Variants in PRKG1 observed in about 807,000 individuals in gnomAD.
The protein encoded by PRKG1 is protein kinase cGMP-dependent 1.
Under a neutral mutation model 88.1 loss-of-function variants are expected in PRKG1, and 35 were observed. The observed-to-expected ratio is 0.40, with a 90% CI of 0.30 to 0.53. The LOEUF (loss-of-function observed/expected upper bound fraction) is 0.53, where lower values mean the gene tolerates loss of function less well. Ranked by LOEUF, PRKG1 falls within the 20% of genes least tolerant of loss-of-function variation. The probability of loss-of-function intolerance (pLI) is 0.59; values close to 1 mark genes in which losing one functional copy is unlikely to be tolerated. For synonymous variants in PRKG1, 303 were observed against 292.5 expected (o/e 1.04, Z -0.37); for missense variants, 540 against 839.8 (o/e 0.64, Z 4.41).
intron 5 of PRKG1, among the ~76,000 whole-genome samples, chr10:51,914,834 A>T (rs770081682): frequency 6.6e-6 from 1 of 152,210 alleles, no homozygotes; most frequent in Admixed American, 6.5e-5. Context: ...CTTCTATGGC[A>T]CCGATAAGGT....
At chr10:51,408,125 G>A (rs1837976557) in intron 2 of PRKG1, among the ~76,000 whole-genome samples, 1 of 152,124 alleles carries the variant, frequency 6.6e-6, no homozygotes, top group Non-Finnish European at 1.5e-5. Context: ...CTTGATTCCT[G>A]GACCTGTGAA....
intron 3 of PRKG1, among the ~76,000 whole-genome samples, chr10:51,485,533 T>A (rs1334934382): frequency 1.3e-5 from 2 of 152,126 alleles, no homozygotes; most frequent in Admixed American, 1.3e-4. Context: ...AGTGATATTA[T>A]GAAGAAAGAC....
intron 2 of PRKG1, among the ~76,000 whole-genome samples, chr10:51,237,197 T>C (rs1245230562): frequency 6.6e-6 from 1 of 152,238 alleles, no homozygotes; most frequent in African/African-American, 2.4e-5. Flanking sequence ...CATTAAATAA[T>C]GTTTTACCTT....
chr10:52,012,015 C>G (rs544717260), intron 5 of PRKG1, among the ~76,000 whole-genome samples: 9 of 152,258 alleles, frequency 5.9e-5, no homozygotes, highest in African/African-American at 2.2e-4. Flanking sequence ...CAATAAACCT[C>G]TTTTCTTTTG....
chr10:51,568,707 A>C (rs1272740777), intron 3 of PRKG1: 1 of 152,084 alleles, frequency 6.6e-6, no homozygotes, highest in Non-Finnish European at 1.5e-5. Context: ...CAACAAAATT[A>C]ACCAACTTCC....
intron 3 of PRKG1, among the ~76,000 whole-genome samples, chr10:51,640,199 G>C (rs78420618): frequency 0.036 from 5,490 of 152,288 alleles, 145 homozygotes; most frequent in South Asian, 0.1. Context: ...GGGGGGAAAT[G>C]AAGTCTTATT....
intron 3 of PRKG1, chr10:51,697,195 A>G (rs1841318017): frequency 6.5e-6 from 1 of 154,560 alleles, no homozygotes. Context: ...GACAATGCTT[A>G]TCCTATTGCC....
At chr10:51,819,894 G>A (rs1395739013) in intron 4 of PRKG1, among the ~76,000 whole-genome samples, 5 of 152,102 alleles carry the variant, frequency 3.3e-5, no homozygotes, top group African/African-American at 7.2e-5. Flanking sequence ...GAGGAGAGCT[G>A]AAGTCAATGA....
intron 8 of PRKG1, among the ~76,000 whole-genome samples, chr10:52,136,396 G>A (rs1296547583): frequency 6.6e-6 from 1 of 152,004 alleles, no homozygotes; most frequent in African/African-American, 2.4e-5. Flanking sequence ...GATCGTTGTG[G>A]GAACTTAGAT....
chr10:51,906,912 G>C (rs1564702429), intron 4 of PRKG1, among the ~76,000 whole-genome samples: 1 of 152,190 alleles, frequency 6.6e-6, no homozygotes, highest in South Asian at 2.1e-4. Flanking sequence ...CTATACTAGA[G>C]TCAGGTTGGA....
chr10:51,729,639 G>A (rs549897488), intron 3 of PRKG1, among the ~76,000 whole-genome samples: 1 of 145,734 alleles, frequency 6.9e-6, no homozygotes, highest in Non-Finnish European at 1.5e-5. Context: ...CCCAGGAGGC[G>A]GAGTTTGCAG....
intron 3 of PRKG1, among the ~76,000 whole-genome samples, chr10:51,560,588 ATG>A (rs567550487): frequency 6.6e-6 from 1 of 152,080 alleles, no homozygotes; most frequent in African/African-American, 2.4e-5. Context: ...CCTACCGGCA[ATG>A]TCTTGTGTTA....
chr10:51,871,493 G>T (rs2132857642), intron 4 of PRKG1, among the ~76,000 whole-genome samples: 1 of 152,306 alleles, frequency 6.6e-6, no homozygotes, highest in Admixed American at 6.5e-5. Flanking sequence ...CTGGGCATGG[G>T]CATGCAAATT....
At chr10:51,636,275 G>A (rs1234999204) in intron 3 of PRKG1, among the ~76,000 whole-genome samples, 1 of 152,010 alleles carries the variant, frequency 6.6e-6, no homozygotes, top group African/African-American at 2.4e-5. Flanking sequence ...TGGAAATCTT[G>A]GCTTTGCCTT....
At chr10:51,059,798 G>A (rs976664247) in intron 1 of PRKG1, among the ~76,000 whole-genome samples, 8 of 152,062 alleles carry the variant, frequency 5.3e-5, no homozygotes, top group African/African-American at 1.9e-4. Flanking sequence ...ATTTTGAGAT[G>A]AGGTGTTCTA....
In PRKG1 at chr10:51,791,694, CAA is replaced by C. The variant is rs565830975; in HGVS notation, c.593-12888_593-12887del. Among the ~76,000 whole-genome samples, 6 of 152,050 alleles carry C rather than the reference CAA, an allele frequency of 3.9e-5. No individual in the cohort carries two copies. In the South Asian group the frequency reaches 1.2e-3, roughly 32 times the overall value. The stretch of plus-strand genomic sequence containing the variant: ...ATAACTATGAAGCAAGGTATAGTGG[CAA>C]AAGTCACTAAGGAGACACAATCAGA... On this transcript the variant is annotated intron_variant, in intron 3 of 17. Transcript: ENST00000373980.
At chr10:51,751,388 C>T (rs1430040439) in intron 3 of PRKG1, among the ~76,000 whole-genome samples, 1 of 152,080 alleles carries the variant, frequency 6.6e-6, no homozygotes, top group African/African-American at 2.4e-5. Flanking sequence ...AAGGCACGCA[C>T]CATCTAATTT....
chr10:51,903,284 T>A (rs1018164374), intron 4 of PRKG1, among the ~76,000 whole-genome samples: 1 of 152,012 alleles, frequency 6.6e-6, no homozygotes. Flanking sequence ...CAAAAAACAA[T>A]TGATAAAGAC....
intron 3 of PRKG1, among the ~76,000 whole-genome samples, chr10:51,711,104 T>A (rs1321657542): frequency 6.6e-6 from 1 of 152,150 alleles, no homozygotes; most frequent in Non-Finnish European, 1.5e-5. Context: ...CTTCCTAAGC[T>A]GACCTTTTTA....
Sources: gnomAD v4.1 joint callset for allele counts (sites outside exome capture counted in the v4.1 genomes callset) on GRCh38, gnomAD v4.1.1 for gene constraint, MANE v1.5 for transcripts, NCBI Gene and HGNC (gene_info 2026-07-23, HGNC 2026-07-21) for gene names.